Variants in CMC1 observed in about 807,000 individuals in gnomAD.
CMC1 encodes COX assembly mitochondrial protein homolog.
CMC1 carries 14 observed loss-of-function variants against 14.1 expected under a neutral mutation model. The observed-to-expected ratio is 0.99, with a 90% CI of 0.66 to 1.55. CMC1 has a LOEUF of 1.55. Ranked by LOEUF, CMC1 falls within the 40% of genes most tolerant of loss-of-function variation. The pLI is 0.00. For missense variants in CMC1, 127 were observed against 123.8 expected, an observed-to-expected ratio of 1.03 and a Z score of -0.12; for synonymous variants, 50 against 38.4, an observed-to-expected ratio of 1.30 and a Z score of -1.12.
At chr3:28,289,259 G>A (rs186224220) in intron 2 of CMC1, among the ~76,000 whole-genome samples, 109 of 151,920 alleles carry the variant, frequency 7.2e-4, no homozygotes, top group African/African-American at 2.5e-3. Flanking sequence ...GAAGAATTTT[G>A]TGTAGCAAAT....
rs770107161 is a variant in CMC1, at chr3:28,263,251, TG to T, written c.20-39del. ...TTATTTTTCCTTTAATCTGGTGATT[TG>T]CTTGAGACTTTATTAAAGAAAGATC... On this transcript the variant is annotated intron_variant, in intron 1 of 3. Coordinates refer to ENST00000466830, the MANE Select transcript of CMC1 (RefSeq NM_182523.2). 66 of 1,429,722 alleles carry T rather than the reference TG, an allele frequency of 4.6e-5. No homozygotes were observed. In the Admixed American group the frequency reaches 1.3e-3, roughly 29 times the overall value. 88.6% of individuals were successfully genotyped at this position (1,429,722 alleles called of 1,614,324 possible).
chr3:28,310,277 T>C (rs1577093786), intron 2 of CMC1, among the ~76,000 whole-genome samples: 1 of 152,222 alleles, frequency 6.6e-6, no homozygotes, highest in Non-Finnish European at 1.5e-5. Context: ...CAGGGACTAT[T>C]GTTAGCTCCC....
At chr3:28,309,059 G>A (rs1289132658) in intron 2 of CMC1, among the ~76,000 whole-genome samples, 1 of 152,024 alleles carries the variant, frequency 6.6e-6, no homozygotes, top group Non-Finnish European at 1.5e-5. Context: ...TATACTGAGG[G>A]TCAAATGCTT....
rs1488405978 is a variant in CMC1 at position 28,304,073 on chromosome 3, G to C, written c.110-12260G>C. On this transcript the variant is annotated intron_variant, in intron 2 of 3. Transcript: ENST00000466830. The stretch of plus-strand genomic sequence containing the variant: ...GTATAAGGAACTAAAAATGTCTTTA[G>C]CTATGTTGTCCAACATGGTCACCAT... Among the ~76,000 whole-genome samples the C allele has an allele frequency of 3.3e-5, 5 of 151,932 alleles. 1 individual carries two copies. Among genetic ancestry groups the C allele is most frequent in the Admixed American group, 2.0e-4 (3 of 15,230 alleles).
At chr3:28,247,434 A>ACCATGTGCTTGTG (rs1420325881) in intron 1 of CMC1, among the ~76,000 whole-genome samples, 4 of 152,182 alleles carry the variant, frequency 2.6e-5, no homozygotes, top group Admixed American at 6.5e-5. Flanking sequence ...CACATGGTAC[A>ACCATGTGCTTGTG]TACAGTTTAT....
chr3:28,297,761 T>A (rs893081812), intron 2 of CMC1, among the ~76,000 whole-genome samples: 13 of 152,012 alleles, frequency 8.6e-5, no homozygotes, highest in African/African-American at 3.1e-4. Context: ...ATCTGATGAT[T>A]CTGTATTTCC....
Position 28,304,024 on chromosome 3 carries a change from CCACCTGTTTGCATCT to C in CMC1, c.110-12302_110-12288del, listed in dbSNP as rs535758559. On this transcript the variant is annotated intron_variant, in intron 2 of 3. Transcript: ENST00000466830. Reference sequence around the variant, plus strand: ...AAAACAGTAGCCAAATCATCATCAGCCACCTGTTTGCATCTCACCTGAAGTATAAGGAACTAAAAA... The same window carrying C: ...AAAACAGTAGCCAAATCATCATCAGCCACCTGAAGTATAAGGAACTAAAAA... 1.5e-3 allele frequency among the ~76,000 whole-genome samples: 228 copies of C among 152,140 alleles called. No homozygotes were observed. In the South Asian group the frequency reaches 0.015, roughly 10 times the overall value.
intron 1 of CMC1, among the ~76,000 whole-genome samples, chr3:28,262,821 A>C (rs541184093): frequency 9.2e-5 from 14 of 152,280 alleles, no homozygotes; most frequent in South Asian, 6.2e-4. Flanking sequence ...CTTTGTTTTC[A>C]TATGGACTTG....
chr3:28,253,143 T>C (rs1211191055), intron 1 of CMC1, among the ~76,000 whole-genome samples: 1 of 152,202 alleles, frequency 6.6e-6, no homozygotes, highest in Non-Finnish European at 1.5e-5. Flanking sequence ...CTTTGTGCTG[T>C]TGAGAAAAAC....
At chr3:28,297,746 C>G (rs2125565822) in intron 2 of CMC1, among the ~76,000 whole-genome samples, 1 of 151,902 alleles carries the variant, frequency 6.6e-6, no homozygotes, top group East Asian at 1.9e-4. Flanking sequence ...AAGGTAAATC[C>G]TCAGATCTGA....
intron 2 of CMC1, among the ~76,000 whole-genome samples, chr3:28,315,445 T>C (rs1702847771): frequency 6.6e-6 from 1 of 152,148 alleles, no homozygotes; most frequent in East Asian, 1.9e-4. Flanking sequence ...GGGGGTCCTG[T>C]TATTAGAAGT....
intron 1 of CMC1, among the ~76,000 whole-genome samples, chr3:28,257,643 C>T (rs112231199): frequency 6.6e-6 from 1 of 152,006 alleles, no homozygotes; most frequent in African/African-American, 2.4e-5. Flanking sequence ...CTCAGCCTCC[C>T]GAATGGCTGG....
At chr3:28,277,410 T>G (rs1402768280) in intron 2 of CMC1, among the ~76,000 whole-genome samples, 1 of 152,208 alleles carries the variant, frequency 6.6e-6, no homozygotes, top group Non-Finnish European at 1.5e-5. Context: ...ATGTACTCAT[T>G]TAAAATATTT....
intron 1 of CMC1, among the ~76,000 whole-genome samples, chr3:28,260,979 T>G (rs555934941): frequency 6.6e-6 from 1 of 152,286 alleles, no homozygotes; most frequent in African/African-American, 2.4e-5. Flanking sequence ...TTCCTTCAGA[T>G]TTATTGAGAT....
chr3:28,273,264 T>G (rs1018599361), intron 2 of CMC1, among the ~76,000 whole-genome samples: 2 of 152,186 alleles, frequency 1.3e-5, no homozygotes, highest in Admixed American at 6.5e-5. Flanking sequence ...CTGCTTTAGC[T>G]GCATCCCAGA....
rs17021318 is a variant in CMC1 at position 28,266,196 on chromosome 3, A to G, written c.109+2816A>G. Among the ~76,000 whole-genome samples, 1,149 of 152,274 alleles carry G rather than the reference A, an allele frequency of 7.5e-3. 15 individuals carry two copies. Among genetic ancestry groups the G allele is most frequent in the African/African-American group, 0.026 (1,062 of 41,556 alleles). ...TTAGTCTGAGTTGCATATTTCACCT[A>G]ATGTTTAAATACAGTTAAAATTTGT... On this transcript the variant is annotated intron_variant, in intron 2 of 3. Coordinates refer to ENST00000466830, the MANE Select transcript of CMC1 (RefSeq NM_182523.2).
At chr3:28,307,590 A>C (rs1486792937) in intron 2 of CMC1, among the ~76,000 whole-genome samples, 1 of 152,250 alleles carries the variant, frequency 6.6e-6, no homozygotes, top group Non-Finnish European at 1.5e-5. Flanking sequence ...CTTATAGTCA[A>C]TATGATTATG....
At chr3:28,272,530 T>C (rs188109142) in intron 2 of CMC1, among the ~76,000 whole-genome samples, 1 of 152,306 alleles carries the variant, frequency 6.6e-6, no homozygotes, top group African/African-American at 2.4e-5. Context: ...GTTTATTGAT[T>C]TGCATGTGTT....
chr3:28,271,809 A>G (rs1168731037), intron 2 of CMC1, among the ~76,000 whole-genome samples: 1 of 152,196 alleles, frequency 6.6e-6, no homozygotes, highest in Non-Finnish European at 1.5e-5. Flanking sequence ...TCTATAAATT[A>G]CTTTGGGCAG....
Sources: gnomAD v4.1 joint callset for allele counts (sites outside exome capture counted in the v4.1 genomes callset) on GRCh38, gnomAD v4.1.1 for gene constraint, MANE v1.5 for transcripts, NCBI Gene and HGNC (gene_info 2026-07-23, HGNC 2026-07-21) for gene names.